Variants in ZHX3 observed in about 807,000 individuals in gnomAD.
ZHX3 encodes the protein zinc fingers and homeoboxes 3, also known as zinc fingers and homeoboxes protein 3.
A neutral mutation model predicts 64.5 loss-of-function variants in ZHX3; 20 were observed. The observed-to-expected ratio is 0.31, with a 90% CI of 0.22 to 0.45. The LOEUF is 0.45. Among genes scored for constraint, ZHX3 ranks in the 20% least tolerant of loss-of-function variants. The probability of loss-of-function intolerance (pLI) is 1.00; values close to 1 mark genes in which losing one functional copy is unlikely to be tolerated. For synonymous variants in ZHX3, 423 were observed against 461.6 expected (o/e 0.92, Z 1.07); for missense variants, 1,041 against 1,195.8 (o/e 0.87, Z 1.91).
At chr20:41,307,907 C>T (rs776389324) in intron 1 of ZHX3, among the ~76,000 whole-genome samples, 1 of 152,120 alleles carries the variant, frequency 6.6e-6, no homozygotes, top group East Asian at 1.9e-4. Context: ...CTAAATGCAC[C>T]TCGACTTTTT....
At chr20:41,291,795 G>C (rs2044256839) in intron 1 of ZHX3, among the ~76,000 whole-genome samples, 1 of 151,638 alleles carries the variant, frequency 6.6e-6, no homozygotes, top group South Asian at 2.1e-4. Context: ...GAGCAATCAG[G>C]GAAATTTAAA....
chr20:41,236,685 C>T (rs947716850), intron 2 of ZHX3, among the ~76,000 whole-genome samples: 88 of 152,260 alleles, frequency 5.8e-4, no homozygotes, highest in Non-Finnish European at 9.6e-4. Flanking sequence ...AAAACCTAGG[C>T]AATACCATTC....
At chr20:41,188,315 T>G (rs2036696675) in intron 3 of ZHX3, 1 of 152,178 alleles carries the variant, frequency 6.6e-6, no homozygotes, top group African/African-American at 2.4e-5. Flanking sequence ...TGATTTGTGA[T>G]GTTGAGTGTT....
At chr20:41,205,457 A>G (rs1050255575) in intron 2 of ZHX3, among the ~76,000 whole-genome samples, 1 of 151,898 alleles carries the variant, frequency 6.6e-6, no homozygotes, top group African/African-American at 2.4e-5. Context: ...TTGGACCAAC[A>G]CGCGGTTTTC....
chr20:41,189,505 C>T (rs2036819545), intron 3 of ZHX3, among the ~76,000 whole-genome samples: 1 of 152,102 alleles, frequency 6.6e-6, no homozygotes, highest in African/African-American at 2.4e-5. Flanking sequence ...TCTTCAGTTT[C>T]TTTCATCAGT....
At chr20:41,189,440 T>TTTTAATATTAA in intron 3 of ZHX3, among the ~76,000 whole-genome samples, 1 of 152,210 alleles carries the variant, frequency 6.6e-6, no homozygotes, top group East Asian at 1.9e-4. Flanking sequence ...AGTGTGGCCA[T>TTTTAATATTAA]TTTAATATTA....
chr20:41,239,702 G>C (rs1391558926), intron 2 of ZHX3: 1 of 152,224 alleles, frequency 6.6e-6, no homozygotes, highest in African/African-American at 2.4e-5. Context: ...CCTATGGAAG[G>C]GACTGGGGAG....
At chr20:41,282,074 C>T (rs2146692649) in intron 1 of ZHX3, among the ~76,000 whole-genome samples, 1 of 152,242 alleles carries the variant, frequency 6.6e-6, no homozygotes, top group East Asian at 1.9e-4. Flanking sequence ...AGGTTCCTGA[C>T]TTTAACAACT....
chr20:41,300,277 A>G (rs976556536), intron 1 of ZHX3: 1 of 152,226 alleles, frequency 6.6e-6, no homozygotes, highest in African/African-American at 2.4e-5. Context: ...CTTTTGAAGC[A>G]ATTCAGATTC....
At chr20:41,296,580 CAT>C (rs759257963) in intron 1 of ZHX3, among the ~76,000 whole-genome samples, 81 of 152,354 alleles carry the variant, frequency 5.3e-4, no homozygotes, top group Middle Eastern at 6.8e-3. Flanking sequence ...CACACGTGCA[CAT>C]GAGCTCTGCC....
chr20:41,225,806 G>A (rs1378911304), intron 2 of ZHX3, among the ~76,000 whole-genome samples: 1 of 152,174 alleles, frequency 6.6e-6, no homozygotes, highest in African/African-American at 2.4e-5. Flanking sequence ...CCATTTTTAA[G>A]TGTACAGTAA....
chr20:41,222,413 AG>A (rs902326437), intron 2 of ZHX3, among the ~76,000 whole-genome samples: 3 of 152,200 alleles, frequency 2.0e-5, no homozygotes, highest in Non-Finnish European at 2.9e-5. Context: ...GTCCTTTTCC[AG>A]GGGAAAAACT....
chr20:41,260,367 T>C (rs944421925), intron 2 of ZHX3, among the ~76,000 whole-genome samples: 1 of 152,214 alleles, frequency 6.6e-6, no homozygotes, highest in African/African-American at 2.4e-5. Context: ...TTGGAAGAGC[T>C]TTTTGTAAGG....
chr20:41,246,703 T>C (rs778182617), intron 2 of ZHX3, among the ~76,000 whole-genome samples: 6 of 151,648 alleles, frequency 4.0e-5, no homozygotes, highest in African/African-American at 1.2e-4. Context: ...GGAAACCCCA[T>C]CTCTACTAAA....
intron 1 of ZHX3, chr20:41,317,283 G>C (rs994374473): frequency 6.6e-6 from 1 of 152,652 alleles, no homozygotes; most frequent in Admixed American, 6.5e-5. Context: ...CGGGGCTCCG[G>C]GGGGAAGGGG....
chr20:41,178,771 GTGATAGAGTA>G lies in ZHX3; in HGVS notation c.*6410_*6419del, dbSNP rs2036140043. 1 of 152,604 alleles carries G rather than the reference GTGATAGAGTA, an allele frequency of 6.6e-6. No homozygotes were observed. Among genetic ancestry groups the G allele is most frequent in the South Asian group, 2.1e-4 (1 of 4,830 alleles). The allele number at this position is 152,604 out of a possible 1,614,324, so 9.5% of individuals were successfully genotyped here. On this transcript the variant is annotated 3_prime_UTR_variant, in exon 4 of 4. Coordinates refer to ENST00000683867, the MANE Select transcript of ZHX3 (RefSeq NM_001384317.1). ...AATTCCCATTCTACCCAAGGCTTAAGTGATAGAGTATGCTGTTTTCTCGGTTTGGTCTCTC... is the reference window on the plus strand; with the variant it reads ...AATTCCCATTCTACCCAAGGCTTAAGTGCTGTTTTCTCGGTTTGGTCTCTC...
chr20:41,203,619 G>T lies in ZHX3; in HGVS notation c.1298C>A (p.Ala433Asp), dbSNP rs1337695832. 6.2e-7 allele frequency: 1 copy of T among 1,614,088 alleles called. No individual in the cohort carries two copies. The highest frequency in any genetic ancestry group is 1.3e-5 in the African/African-American group (1 of 74,924). ...GGLLVTQPLM[A>D]NGLQATSSPL... ...GGAACTTGTTGCTTGCAACCCATTG[G>T]CCATCAATGGCTGAGTGACCAGAAG... is the stretch of plus-strand genomic sequence containing the variant. The change falls in exon 3 of 4, where the codon GCC (alanine) becomes GAC (aspartate). Residue 433 changes from alanine (A) to aspartate (D), a missense_variant. By Grantham distance (126) the Ala-to-Asp change is moderately radical (BLOSUM62 -2). Coordinates refer to ENST00000683867, the MANE Select transcript of ZHX3 (RefSeq NM_001384317.1). This position sits in a 1 kb window ranked among gnomAD's most constrained non-coding sequence, Gnocchi z 7.1.
At chr20:41,267,209 T>C (rs2042905369) in intron 2 of ZHX3, among the ~76,000 whole-genome samples, 1 of 151,986 alleles carries the variant, frequency 6.6e-6, no homozygotes, top group Non-Finnish European at 1.5e-5. Context: ...ATTTTATGTC[T>C]TTTTTTTAGT....
chr20:41,314,463 G>T (rs1324150299), intron 1 of ZHX3, among the ~76,000 whole-genome samples: 1 of 152,150 alleles, frequency 6.6e-6, no homozygotes, highest in Non-Finnish European at 1.5e-5. Context: ...ATATCTCTGG[G>T]TATCTGTTGA....
Sources: allele counts gnomAD v4.1 joint callset (sites outside exome capture counted in the v4.1 genomes callset), GRCh38; gene constraint gnomAD v4.1.1; non-coding constraint Gnocchi (gnomAD v3.1); transcripts MANE v1.5; gene names NCBI Gene and HGNC (gene_info 2026-07-23, HGNC 2026-07-21).